Variants in CNTNAP5 observed in about 807,000 individuals in gnomAD.
CNTNAP5 encodes the protein contactin associated protein family member 5.
Under a neutral mutation model 150.2 loss-of-function variants are expected in CNTNAP5, and 72 were observed. The ratio of observed to expected loss-of-function variants is 0.48; its 90% CI spans 0.40 to 0.58. The LOEUF (loss-of-function observed/expected upper bound fraction) is 0.58. Among genes scored for constraint, CNTNAP5 ranks in the 20% least tolerant of loss-of-function variants. CNTNAP5 has a pLI of 0.00. For synonymous variants in CNTNAP5, 672 were observed against 619.8 expected, an observed-to-expected ratio of 1.08 and a Z score of -1.25; for missense variants, 1,636 against 1,626.2, an observed-to-expected ratio of 1.01 and a Z score of -0.10.
At chr2:124,403,987 A>G (rs114495143) in intron 3 of CNTNAP5, among the ~76,000 whole-genome samples, 1 of 152,278 alleles carries the variant, frequency 6.6e-6, no homozygotes, top group Non-Finnish European at 1.5e-5. Context: ...CCGTGATTCA[A>G]TCACCTCCCA....
intron 10 of CNTNAP5, among the ~76,000 whole-genome samples, chr2:124,545,963 C>T (rs13386420): frequency 0.11 from 16,913 of 152,072 alleles, 974 homozygotes; most frequent in South Asian, 0.16. Flanking sequence ...AGTTAGACCT[C>T]AGCCCTACCA....
At chr2:124,675,392 T>TTAAA (rs1389364369) in intron 13 of CNTNAP5, among the ~76,000 whole-genome samples, 3 of 152,090 alleles carry the variant, frequency 2.0e-5, no homozygotes, top group Admixed American at 6.6e-5. Flanking sequence ...CAATCATCAT[T>TTAAA]TAAATATTCT....
chr2:124,682,240 A>C (rs1679085641), intron 13 of CNTNAP5, among the ~76,000 whole-genome samples: 1 of 152,118 alleles, frequency 6.6e-6, no homozygotes, highest in African/African-American at 2.4e-5. Flanking sequence ...TTTGCCATTA[A>C]ATTCCACACC....
chr2:124,695,550 CT>C (rs374974577), intron 13 of CNTNAP5, among the ~76,000 whole-genome samples: 188 of 152,224 alleles, frequency 1.2e-3, no homozygotes, highest in African/African-American at 4.3e-3. Context: ...TTGAGTTAGA[CT>C]TCAAAATATG....
chr2:124,662,086 G>A (rs968983487), intron 13 of CNTNAP5, among the ~76,000 whole-genome samples: 1 of 152,044 alleles, frequency 6.6e-6, no homozygotes, highest in Non-Finnish European at 1.5e-5. Flanking sequence ...CCACTTATGA[G>A]TGAGAACATG....
At chr2:124,584,922 G>T (rs1232339151) in intron 11 of CNTNAP5, among the ~76,000 whole-genome samples, 2 of 152,208 alleles carry the variant, frequency 1.3e-5, no homozygotes, top group Non-Finnish European at 2.9e-5. Flanking sequence ...CAGATTTACA[G>T]ATAGAGCCCT....
chr2:124,823,300 A>C lies in CNTNAP5; in HGVS notation c.3217+24980A>C, dbSNP rs372772387. On this transcript the variant is annotated intron_variant, in intron 19 of 23. Transcript: ENST00000682447. The stretch of plus-strand genomic sequence containing the variant: ...GAACTAATATTTCATTGTCCTGTTG[A>C]TCTTTAGAGCCATTCACTATATATT... Among the ~76,000 whole-genome samples the C allele has an allele frequency of 3.3e-3, 502 of 152,232 alleles. 2 individuals carry two copies. Among genetic ancestry groups the C allele is most frequent in the Non-Finnish European group, 6.4e-3 (434 of 68,016 alleles).
At chr2:124,098,728 A>AAAAC (rs146227178) in intron 1 of CNTNAP5, among the ~76,000 whole-genome samples, 7,651 of 152,048 alleles carry the variant, frequency 0.05, 290 homozygotes, top group South Asian at 0.15. Flanking sequence ...GCGTTGAGAA[A>AAAAC]AAACAAACAA....
intron 6 of CNTNAP5, among the ~76,000 whole-genome samples, chr2:124,470,918 C>G (rs924877024): frequency 6.6e-6 from 1 of 151,972 alleles, no homozygotes; most frequent in Non-Finnish European, 1.5e-5. Context: ...TTCTATGGTT[C>G]CATTGGTCTG....
chr2:124,829,723 C>A (rs1573645292), intron 19 of CNTNAP5, among the ~76,000 whole-genome samples: 2 of 151,404 alleles, frequency 1.3e-5, no homozygotes, highest in South Asian at 4.1e-4. Context: ...AAAAATTTGA[C>A]CTAGAGCTTA....
At chr2:124,326,136 G>A (rs1403141305) in intron 3 of CNTNAP5, among the ~76,000 whole-genome samples, 1 of 152,214 alleles carries the variant, frequency 6.6e-6, no homozygotes, top group Non-Finnish European at 1.5e-5. Flanking sequence ...ACATTAAGTG[G>A]AGACAGAGGA....
Position 124,115,792 on chromosome 2 carries a change from TTGTGTG to T in CNTNAP5, c.82+90090_82+90095del, listed in dbSNP as rs5834038. 2.7e-3 allele frequency among the ~76,000 whole-genome samples: 378 copies of T among 138,296 alleles called. 1 individual carries two copies. The highest frequency in any genetic ancestry group is 9.4e-3 in the African/African-American group (346 of 36,826). The allele number at this position is 138,296 out of a possible 152,430, so 90.7% of individuals were successfully genotyped here. On this transcript the variant is annotated intron_variant, in intron 1 of 23. Transcript: ENST00000682447. ...GGCAGATGCCACCACGCCTGGCTAA[TTGTGTG>T]TGTGTGTGTGTGTGTGTGTGTGTGT... is the stretch of plus-strand genomic sequence containing the variant.
In CNTNAP5 at chr2:124,231,668, T is replaced by C. The variant is rs72962833; in HGVS notation, c.187+9859T>C. Among the ~76,000 whole-genome samples the C allele has an allele frequency of 1.4e-3, 220 of 152,286 alleles. 1 individual carries two copies. Among genetic ancestry groups the C allele is most frequent in the African/African-American group, 4.9e-3 (205 of 41,568 alleles). On this transcript the variant is annotated intron_variant, in intron 2 of 23. Coordinates refer to ENST00000682447, the MANE Select transcript of CNTNAP5 (RefSeq NM_001367498.1). The stretch of plus-strand genomic sequence containing the variant: ...TAAAATCATACTGTGTGGCCTAATA[T>C]GCCTGAGGGAAAAACTAACCTTGAC...
intron 1 of CNTNAP5, among the ~76,000 whole-genome samples, chr2:124,069,608 A>G (rs114463462): frequency 0.013 from 1,997 of 152,246 alleles, 25 homozygotes; most frequent in South Asian, 0.029. Flanking sequence ...GAGTGCATGC[A>G]TCACCCTACC....
At chr2:124,738,870 T>C (rs1376697787) in intron 13 of CNTNAP5, among the ~76,000 whole-genome samples, 1 of 152,216 alleles carries the variant, frequency 6.6e-6, no homozygotes, top group Admixed American at 6.5e-5. Context: ...AGTCATCGTG[T>C]TACTCTGTCA....
chr2:124,095,345 G>A (rs888448841), intron 1 of CNTNAP5, among the ~76,000 whole-genome samples: 1 of 152,162 alleles, frequency 6.6e-6, no homozygotes, highest in Non-Finnish European at 1.5e-5. Context: ...GGCCTGTCAT[G>A]GGGTGACGGG....
chr2:124,588,392 T>C (rs1354570140), intron 11 of CNTNAP5, among the ~76,000 whole-genome samples: 1 of 152,014 alleles, frequency 6.6e-6, no homozygotes, highest in Admixed American at 6.6e-5. Flanking sequence ...GGCCCAATAA[T>C]TTGCATGCCT....
At chr2:124,537,073 A>G (rs963762342) in intron 10 of CNTNAP5, among the ~76,000 whole-genome samples, 1 of 152,026 alleles carries the variant, frequency 6.6e-6, no homozygotes, top group African/African-American at 2.4e-5. Flanking sequence ...AGAGACAGAG[A>G]GACTAATCTT....
chr2:124,792,205 T>C, intron 18 of CNTNAP5, among the ~76,000 whole-genome samples: 1 of 152,204 alleles, frequency 6.6e-6, no homozygotes, highest in East Asian at 1.9e-4. Flanking sequence ...GTCAGAACTG[T>C]GTTTCATTGG....
Sources: gnomAD v4.1 joint callset for allele counts (sites outside exome capture counted in the v4.1 genomes callset) on GRCh38, gnomAD v4.1.1 for gene constraint, MANE v1.5 for transcripts, NCBI Gene and HGNC (gene_info 2026-07-23, HGNC 2026-07-21) for gene names.